The following CHODL variants were observed in gnomAD, a reference collection of about 807,000 sequenced individuals.
The protein encoded by CHODL is chondrolectin, also known as transmembrane protein MT75.
CHODL carries 29 observed loss-of-function variants against 34.5 expected under a neutral mutation model. The ratio of observed to expected loss-of-function variants is 0.84; its 90% CI spans 0.63 to 1.15. The LOEUF (loss-of-function observed/expected upper bound fraction) is 1.15, where lower values mean the gene tolerates loss of function less well. Ranked by LOEUF, CHODL falls within the 50% of genes most tolerant of loss-of-function variation. The pLI is 0.00. For synonymous variants in CHODL, 125 were observed against 116.1 expected (o/e 1.08, Z -0.49); for missense variants, 332 against 332.5 (o/e 1.00, Z 0.01).
At chr21:18,006,682 C>T (rs2063964463) in intron 1 of CHODL, among the ~76,000 whole-genome samples, 1 of 152,220 alleles carries the variant, frequency 6.6e-6, no homozygotes, top group African/African-American at 2.4e-5. Context: ...GAGATTACCC[C>T]TAGACCATCT....
chr21:18,229,477 G>A (rs73316282), intron 2 of CHODL, among the ~76,000 whole-genome samples: 5,677 of 152,080 alleles, frequency 0.037, 329 homozygotes, highest in African/African-American at 0.13. Flanking sequence ...ATGGTAGCAG[G>A]GAATAAATAA....
chr21:17,986,750 C>T (rs1243806424), intron 1 of CHODL, among the ~76,000 whole-genome samples: 5 of 152,164 alleles, frequency 3.3e-5, no homozygotes, highest in African/African-American at 1.2e-4. Context: ...CTGTCTTCCA[C>T]AATGGTTGAA....
At chr21:18,226,006 C>A (rs540283935) in intron 2 of CHODL, among the ~76,000 whole-genome samples, 3 of 151,940 alleles carry the variant, frequency 2.0e-5, no homozygotes, top group Non-Finnish European at 4.4e-5. Flanking sequence ...GAGGAATGAC[C>A]CTGTAAGCAA....
At chr21:18,180,991 A>T (rs1019163662) in intron 2 of CHODL, among the ~76,000 whole-genome samples, 1 of 152,242 alleles carries the variant, frequency 6.6e-6, no homozygotes, top group African/African-American at 2.4e-5. Context: ...TGCTAAATAA[A>T]TTATAATCAA....
intron 2 of CHODL, among the ~76,000 whole-genome samples, chr21:18,224,275 T>C (rs1403867388): frequency 2.0e-5 from 3 of 152,158 alleles, no homozygotes; most frequent in East Asian, 3.9e-4. Flanking sequence ...AGAATAAGAC[T>C]GATTGGTTTT....
chr21:18,186,476 T>C (rs906041315), intron 2 of CHODL, among the ~76,000 whole-genome samples: 1 of 152,106 alleles, frequency 6.6e-6, no homozygotes, highest in African/African-American at 2.4e-5. Context: ...ATATAAATCA[T>C]CTGCTTATGT....
intron 2 of CHODL, among the ~76,000 whole-genome samples, chr21:18,070,696 A>G (rs974036403): frequency 1.3e-5 from 2 of 152,096 alleles, no homozygotes; most frequent in Non-Finnish European, 2.9e-5. Flanking sequence ...AAACCAAGAC[A>G]CCCATGTAGA....
At chr21:18,084,822 C>T (rs1207472294) in intron 2 of CHODL, among the ~76,000 whole-genome samples, 1 of 151,656 alleles carries the variant, frequency 6.6e-6, no homozygotes, top group Non-Finnish European at 1.5e-5. Context: ...TGCTTACTTG[C>T]TTATTTTTTG....
chr21:18,236,494 T>G (rs1157397330), intron 2 of CHODL, among the ~76,000 whole-genome samples: 2 of 152,058 alleles, frequency 1.3e-5, no homozygotes, highest in African/African-American at 2.4e-5. Context: ...ACTTTCAAAG[T>G]GTGTTCTATG....
chr21:18,249,090 A>T (rs1403699673), intron 1 of CHODL, among the ~76,000 whole-genome samples: 9 of 124,682 alleles, frequency 7.2e-5, no homozygotes, highest in African/African-American at 1.9e-4. Context: ...TATATAATAA[A>T]ATATATATAT....
intron 2 of CHODL, among the ~76,000 whole-genome samples, chr21:18,040,660 AT>A (rs1234555123): frequency 6.6e-6 from 1 of 151,840 alleles, no homozygotes; most frequent in African/African-American, 2.4e-5. Flanking sequence ...GCTACAGTGC[AT>A]TATTATTTTT....
chr21:18,132,221 A>T (rs1291923944), intron 2 of CHODL, among the ~76,000 whole-genome samples: 1 of 152,052 alleles, frequency 6.6e-6, no homozygotes, highest in Non-Finnish European at 1.5e-5. Flanking sequence ...TCTTTAGTTA[A>T]CAAGAAAATA....
chr21:18,219,957 T>A (rs2073866639), intron 2 of CHODL, among the ~76,000 whole-genome samples: 3 of 152,208 alleles, frequency 2.0e-5, no homozygotes, highest in Non-Finnish European at 4.4e-5. Flanking sequence ...TGTCTATTTT[T>A]ACTTTTGTAT....
intron 1 of CHODL, among the ~76,000 whole-genome samples, chr21:17,984,502 T>G (rs972197954): frequency 3.3e-5 from 5 of 152,168 alleles, no homozygotes; most frequent in Non-Finnish European, 5.9e-5. Context: ...TATTAACCCT[T>G]TATGAAAATA....
intron 1 of CHODL, among the ~76,000 whole-genome samples, chr21:18,247,560 G>C (rs1305628413): frequency 6.6e-6 from 1 of 151,992 alleles, no homozygotes; most frequent in Non-Finnish European, 1.5e-5. Context: ...AGCAAGAAAT[G>C]ACATTTCAAA....
At position 18,266,452 on chromosome 21, in the gene CHODL, GT is replaced by G. The variant is rs2074463622; in HGVS notation, c.*415del. ...GCAAAAGTATTTTACCTTTGCATAAGTGTTTGATAAAAATGAACTGTTCTAA... is the reference window on the plus strand; with the variant it reads ...GCAAAAGTATTTTACCTTTGCATAAGGTTTGATAAAAATGAACTGTTCTAA... On this transcript the variant is annotated 3_prime_UTR_variant, in exon 6 of 6. Transcript: ENST00000299295. The G allele has an allele frequency of 4.4e-6, 1 of 226,340 alleles. No individual in the cohort carries two copies. The highest frequency in any genetic ancestry group is 8.7e-6 in the Non-Finnish European group (1 of 114,462). 14.0% of individuals were successfully genotyped at this position (226,340 alleles called of 1,614,324 possible).
At chr21:18,265,743 GAT>G (rs1179411050) in intron 5 of CHODL, among the ~76,000 whole-genome samples, 1 of 152,090 alleles carries the variant, frequency 6.6e-6, no homozygotes. Context: ...AACAGGAAAA[GAT>G]ATGTTTTGTT....
At chr21:18,181,004 G>A (rs1238421318) in intron 2 of CHODL, among the ~76,000 whole-genome samples, 1 of 152,066 alleles carries the variant, frequency 6.6e-6, no homozygotes, top group Non-Finnish European at 1.5e-5. Context: ...ATAATCAATA[G>A]CAACAGATTT....
chr21:18,194,805 T>C (rs1381831314), intron 2 of CHODL, among the ~76,000 whole-genome samples: 1 of 152,018 alleles, frequency 6.6e-6, no homozygotes, highest in Non-Finnish European at 1.5e-5. Flanking sequence ...GAGTATTCAA[T>C]ACATTATTTT....
Sources: gnomAD v4.1 joint callset for allele counts (sites outside exome capture counted in the v4.1 genomes callset) on GRCh38, gnomAD v4.1.1 for gene constraint, MANE v1.5 for transcripts, NCBI Gene and HGNC (gene_info 2026-07-23, HGNC 2026-07-21) for gene names.